The following PLCL2 variants were observed in gnomAD, a reference collection of about 807,000 sequenced individuals.
PLCL2 encodes phospholipase C like 2, also known as inactive phospholipase C-like protein 2.
A neutral mutation model predicts 79.6 loss-of-function variants in PLCL2; 4 were observed. That is an observed-to-expected ratio of 0.05 (90% CI 0.02 to 0.11). The LOEUF is 0.11. Among genes scored for constraint, PLCL2 ranks in the 10% least tolerant of loss-of-function variants. PLCL2 has a pLI of 1.00. For synonymous variants in PLCL2, 484 were observed against 457.7 expected (o/e 1.06, Z -0.73); for missense variants, 895 against 1,291.0 (o/e 0.69, Z 4.70).
chr3:16,968,850 C>T (rs1369152505), intron 1 of PLCL2, among the ~76,000 whole-genome samples: 2 of 152,054 alleles, frequency 1.3e-5, no homozygotes, highest in Non-Finnish European at 2.9e-5. Context: ...ATGCTTCCAG[C>T]TTTTGCCCAT....
intron 1 of PLCL2, among the ~76,000 whole-genome samples, chr3:16,894,886 T>C (rs1201139193): frequency 1.3e-5 from 2 of 152,110 alleles, no homozygotes; most frequent in Non-Finnish European, 2.9e-5. Flanking sequence ...ATTCAAGTTG[T>C]TTATATGGTT....
chr3:17,051,464 AT>A (rs2064837913), intron 4 of PLCL2, among the ~76,000 whole-genome samples: 1 of 152,222 alleles, frequency 6.6e-6, no homozygotes, highest in Admixed American at 6.5e-5. Context: ...TAAAAATAAA[AT>A]TTAAAAAAAC....
intron 3 of PLCL2, among the ~76,000 whole-genome samples, chr3:17,024,901 A>G (rs990923784): frequency 2.0e-5 from 3 of 152,174 alleles, no homozygotes; most frequent in African/African-American, 7.2e-5. Flanking sequence ...TTGAAAGAAA[A>G]ACAGATGTGT....
At chr3:17,081,054 C>T (rs1165250151) in intron 5 of PLCL2, 5 of 400,486 alleles carry the variant, frequency 1.2e-5, no homozygotes, top group African/African-American at 4.1e-5. Context: ...TACCCGTAAT[C>T]TCTCTAAACT....
At chr3:17,064,721 G>A (rs1441047474) in intron 4 of PLCL2, among the ~76,000 whole-genome samples, 1 of 152,030 alleles carries the variant, frequency 6.6e-6, no homozygotes, top group Non-Finnish European at 1.5e-5. Context: ...ACACAGAAAT[G>A]TTTAAATGAC....
intron 5 of PLCL2, among the ~76,000 whole-genome samples, chr3:17,080,264 T>C (rs2065149015): frequency 6.6e-6 from 1 of 152,160 alleles, no homozygotes; most frequent in African/African-American, 2.4e-5. Flanking sequence ...GGGAGTCTTT[T>C]TTCAACCGTA....
At chr3:17,000,893 G>C (rs558295802) in intron 1 of PLCL2, among the ~76,000 whole-genome samples, 1 of 152,006 alleles carries the variant, frequency 6.6e-6, no homozygotes, top group Non-Finnish European at 1.5e-5. Context: ...TGGATGTGCC[G>C]GTATTTCTTC....
intron 3 of PLCL2, among the ~76,000 whole-genome samples, chr3:17,029,764 A>C (rs2064561492): frequency 1.3e-5 from 2 of 152,102 alleles, no homozygotes; most frequent in East Asian, 1.9e-4. Context: ...GCCAAAACAC[A>C]TCTCCCAGGG....
chr3:17,017,138 C>T (rs982604145), intron 3 of PLCL2, among the ~76,000 whole-genome samples: 1 of 152,148 alleles, frequency 6.6e-6, no homozygotes, highest in African/African-American at 2.4e-5. Context: ...TGGTTCCCTG[C>T]CTCTTCCTCT....
intron 1 of PLCL2, among the ~76,000 whole-genome samples, chr3:16,914,206 A>T (rs1696942843): frequency 6.6e-6 from 1 of 152,214 alleles, no homozygotes; most frequent in South Asian, 2.1e-4. Flanking sequence ...AAATTAAGGT[A>T]ACTCTAACAT....
Position 17,068,486 on chromosome 3 carries a change from A to G in PLCL2, c.3204+421A>G, listed in dbSNP as rs148132226. Among the ~76,000 whole-genome samples the G allele has an allele frequency of 3.0e-3, 454 of 152,358 alleles. 3 individuals are homozygous for G. The highest frequency in any genetic ancestry group is 0.01 in the African/African-American group (425 of 41,582). On this transcript the variant is annotated intron_variant, in intron 5 of 5. Coordinates refer to ENST00000615277, the MANE Select transcript of PLCL2 (RefSeq NM_001144382.2). The stretch of plus-strand genomic sequence containing the variant: ...CTATAATGTTCATATGATCCCAGAA[A>G]TAAATAGAAAAGAATTGTATGGAGC...
intron 1 of PLCL2, among the ~76,000 whole-genome samples, chr3:16,993,817 G>A (rs551518113): frequency 5.3e-5 from 8 of 152,038 alleles, no homozygotes; most frequent in Non-Finnish European, 1.0e-4. Context: ...AAACTACTAC[G>A]CAGTGTGTAC....
chr3:17,044,971 G>A (rs2064765662), intron 4 of PLCL2, among the ~76,000 whole-genome samples: 1 of 152,186 alleles, frequency 6.6e-6, no homozygotes, highest in African/African-American at 2.4e-5. Flanking sequence ...TGGGTTTAAA[G>A]ATCTTTAGAA....
rs571353810 is a variant in PLCL2, at chr3:16,895,350, T to C, written c.327+9984T>C. 2.0e-5 allele frequency among the ~76,000 whole-genome samples: 3 copies of C among 152,316 alleles called. No individual in the cohort carries two copies. The East Asian group carries it at 5.8e-4, about 29-fold the overall frequency. On this transcript the variant is annotated intron_variant, in intron 1 of 5. Coordinates refer to ENST00000615277, the MANE Select transcript of PLCL2 (RefSeq NM_001144382.2). ...CATTTATTTAACCACTGGAGTCTTA[T>C]TGTTCTATTTTTCATGTTTAGATCT...
Position 17,018,384 on chromosome 3 carries a change from G to T in PLCL2, c.3018+3473G>T, listed in dbSNP as rs569865177. Among the ~76,000 whole-genome samples the T allele has an allele frequency of 4.6e-5, 7 of 152,290 alleles. No homozygotes were observed. The South Asian group carries it at 1.5e-3, about 32-fold the overall frequency. ...GGCTTACAGGGCATTTAAATGAGGC[G>T]TCTTTGTCCCCTTAAGCTCAGTGTC... On this transcript the variant is annotated intron_variant, in intron 3 of 5. Coordinates refer to ENST00000615277, the MANE Select transcript of PLCL2 (RefSeq NM_001144382.2).
rs753953820 is a variant in PLCL2 at position 17,011,750 on chromosome 3, G to A, written c.2404G>A (p.Val802Met). The A allele has an allele frequency of 7.4e-6, 12 of 1,614,054 alleles. No homozygotes were observed. Among genetic ancestry groups the A allele is most frequent in the Middle Eastern group, 3.3e-4 (2 of 6,084 alleles). Reference protein sequence around the residue: ...ADCAEQRTKTVHQNGDAPIFD... With the variant: ...ADCAEQRTKTMHQNGDAPIFD... ...TTGTGCAGAACAAAGGACAAAAACA[G>A]TGCACCAGAATGGAGACGCTCCCAT... is the stretch of plus-strand genomic sequence containing the variant. The change falls in exon 2 of 6, where the codon GTG (valine) becomes ATG (methionine). Residue 802 changes from valine (V) to methionine (M), a missense_variant. This residue lies in a region of PLCL2 where 298 missense variants were observed against 459.6 expected (regional missense o/e 0.65). Transcript: ENST00000615277. The surrounding 1 kb of genome is among the most constrained non-coding windows in gnomAD (Gnocchi z 7.9).
At chr3:16,924,576 G>A (rs934724463) in intron 1 of PLCL2, among the ~76,000 whole-genome samples, 2 of 152,212 alleles carry the variant, frequency 1.3e-5, no homozygotes, top group Non-Finnish European at 2.9e-5. Context: ...TGAGAGTTTA[G>A]GGGTATCTCA....
At chr3:16,987,889 ATG>A (rs2064066229) in intron 1 of PLCL2, among the ~76,000 whole-genome samples, 1 of 152,218 alleles carries the variant, frequency 6.6e-6, no homozygotes, top group South Asian at 2.1e-4. Flanking sequence ...ATTAAAGTAA[ATG>A]TAATAATTTA....
intron 1 of PLCL2, among the ~76,000 whole-genome samples, chr3:16,892,045 A>G (rs1324580782): frequency 6.6e-6 from 1 of 152,210 alleles, no homozygotes; most frequent in Non-Finnish European, 1.5e-5. Flanking sequence ...ATGTCTTGTG[A>G]AAAGTATTTG....
Sources: allele counts gnomAD v4.1 joint callset (sites outside exome capture counted in the v4.1 genomes callset), GRCh38; gene constraint gnomAD v4.1.1; regional missense constraint gnomAD v4.1.1; non-coding constraint Gnocchi (gnomAD v3.1); transcripts MANE v1.5; gene names NCBI Gene and HGNC (gene_info 2026-07-23, HGNC 2026-07-21).